The following ZBTB20 variants were observed in gnomAD, a reference collection of about 807,000 sequenced individuals.
ZBTB20 encodes zinc finger and BTB domain containing 20, also known as zinc finger and BTB domain-containing protein 20.
ZBTB20 carries 9 observed loss-of-function variants against 56.9 expected under a neutral mutation model. The observed-to-expected ratio is 0.16, with a 90% CI of 0.10 to 0.28. ZBTB20 has a LOEUF of 0.28. Ranked by LOEUF, ZBTB20 falls within the 10% of genes least tolerant of loss-of-function variation. The pLI is 1.00. For synonymous variants in ZBTB20, 417 were observed against 420.7 expected (o/e 0.99, Z 0.11); for missense variants, 655 against 1,003.0 (o/e 0.65, Z 4.69).
At chr3:115,143,112 C>T (rs2084865198) in intron 1 of ZBTB20, among the ~76,000 whole-genome samples, 1 of 152,142 alleles carries the variant, frequency 6.6e-6, no homozygotes, top group East Asian at 1.9e-4. Context: ...AGCATTAAAT[C>T]ATATACTCAT....
intron 6 of ZBTB20, among the ~76,000 whole-genome samples, chr3:114,543,400 T>C (rs1233880195): frequency 6.6e-6 from 1 of 152,172 alleles, no homozygotes; most frequent in Non-Finnish European, 1.5e-5. Flanking sequence ...AGCAATGGTG[T>C]AGATGAGATT....
intron 3 of ZBTB20, chr3:114,904,433 C>T (rs2075246317): frequency 6.6e-6 from 1 of 151,896 alleles, no homozygotes. Context: ...ATTTTACATG[C>T]TTTACATTTA....
intron 1 of ZBTB20, among the ~76,000 whole-genome samples, chr3:115,110,815 G>A (rs1011397701): frequency 5.3e-5 from 8 of 151,690 alleles, no homozygotes; most frequent in African/African-American, 1.7e-4. Context: ...ATGGTAAAAT[G>A]CCATCTCTAC....
intron 6 of ZBTB20, among the ~76,000 whole-genome samples, chr3:114,675,586 G>A (rs2061583777): frequency 6.6e-6 from 1 of 151,828 alleles, no homozygotes; most frequent in Admixed American, 6.6e-5. Context: ...TCAATGGGTG[G>A]GCATAAAGAG....
chr3:114,401,610 C>T (rs113309362), intron 7 of ZBTB20, among the ~76,000 whole-genome samples: 18 of 152,044 alleles, frequency 1.2e-4, no homozygotes, highest in African/African-American at 3.9e-4. Context: ...CACTTTTGCC[C>T]GAGCCACTTT....
intron 6 of ZBTB20, among the ~76,000 whole-genome samples, chr3:114,596,442 G>A (rs899060281): frequency 7.9e-5 from 12 of 152,132 alleles, no homozygotes; most frequent in African/African-American, 2.7e-4. Context: ...CAGGCAAACA[G>A]AAAGGTGTAG....
At chr3:114,871,141 C>A (rs933943782) in intron 4 of ZBTB20, among the ~76,000 whole-genome samples, 1 of 152,164 alleles carries the variant, frequency 6.6e-6, no homozygotes, top group Non-Finnish European at 1.5e-5. Flanking sequence ...ACCACATACA[C>A]GTACACCTCA....
At chr3:115,082,086 C>T (rs909486140) in intron 1 of ZBTB20, among the ~76,000 whole-genome samples, 2 of 152,190 alleles carry the variant, frequency 1.3e-5, no homozygotes, top group African/African-American at 2.4e-5. Context: ...ACTAACACTG[C>T]CTTGCAAATG....
In ZBTB20 at chr3:114,330,873, A is replaced by G. The variant is rs1471476397; in HGVS notation, c.*8132T>C. On this transcript the variant is annotated 3_prime_UTR_variant, in exon 12 of 12. Transcript: ENST00000675478. The stretch of plus-strand genomic sequence containing the variant: ...GTCCATTCATTCAGTATATTATACT[A>G]GAGTGGCATTCTACTTCAATGCTTG... 1 of 152,250 alleles carries G rather than the reference A, an allele frequency of 6.6e-6. No homozygotes were observed. The highest frequency in any genetic ancestry group is 1.5e-5 in the Non-Finnish European group (1 of 68,056). 9.4% of individuals were successfully genotyped at this position (152,250 alleles called of 1,614,324 possible).
chr3:114,947,809 GATAAA>G lies in ZBTB20; in HGVS notation c.-456+26552_-456+26556del, dbSNP rs1317866975. Among the ~76,000 whole-genome samples the G allele has an allele frequency of 8.3e-5, 12 of 145,040 alleles. 4 individuals carry two copies. Among genetic ancestry groups the G allele is most frequent in the African/African-American group, 3.4e-4 (12 of 35,346 alleles). On this transcript the variant is annotated intron_variant, in intron 3 of 11. Coordinates refer to ENST00000675478, the MANE Select transcript of ZBTB20 (RefSeq NM_001348800.3). ...ACACCATAATTTTACACAAATAAAA[GATAAA>G]ATAAAAAAGTCTTTCCACAAAACTT...
intron 2 of ZBTB20, among the ~76,000 whole-genome samples, chr3:114,978,586 AT>A (rs1180809136): frequency 1.3e-5 from 2 of 151,438 alleles, no homozygotes; most frequent in Non-Finnish European, 3.0e-5. Context: ...ATATTTAATA[AT>A]TTTTCTCTAT....
At chr3:114,985,688 G>A (rs577639318) in intron 2 of ZBTB20, among the ~76,000 whole-genome samples, 2 of 152,068 alleles carry the variant, frequency 1.3e-5, no homozygotes, top group South Asian at 4.2e-4. Context: ...GGTAAGATTC[G>A]GGGTGAGACC....
intron 3 of ZBTB20, among the ~76,000 whole-genome samples, chr3:114,907,356 A>C (rs2075359104): frequency 6.6e-6 from 1 of 151,906 alleles, no homozygotes; most frequent in South Asian, 2.1e-4. Flanking sequence ...AATTTGGTCA[A>C]ACTTATGTCA....
At position 114,407,913 on chromosome 3, in the gene ZBTB20, G is replaced by C. The variant is rs535232654; in HGVS notation, c.-254-18808C>G. 3.6e-4 allele frequency among the ~76,000 whole-genome samples: 35 copies of C among 97,758 alleles called. 1 individual carries two copies. The South Asian group carries it at 6.9e-3, about 19-fold the overall frequency. The allele number at this position is 97,758 out of a possible 152,430, so 64.1% of individuals were successfully genotyped here. A position where few individuals can be genotyped will look rare whatever the true frequency, so the allele number is the denominator to read the frequency against. ...GGAAACCAAATGTAACCTATATGAG[G>C]GGGGGGAAACATCTTTAACTACTTT... On this transcript the variant is annotated intron_variant, in intron 7 of 11. Coordinates refer to ENST00000675478, the MANE Select transcript of ZBTB20 (RefSeq NM_001348800.3).
intron 5 of ZBTB20, among the ~76,000 whole-genome samples, chr3:114,694,247 C>T (rs985996876): frequency 1.3e-5 from 2 of 151,918 alleles, no homozygotes; most frequent in East Asian, 3.9e-4. Flanking sequence ...AAAACAAAAC[C>T]CAAATTAACA....
chr3:114,776,709 T>G, intron 5 of ZBTB20, among the ~76,000 whole-genome samples: 1 of 152,132 alleles, frequency 6.6e-6, no homozygotes. Context: ...AGAGCATTTG[T>G]GAAATCACTG....
intron 6 of ZBTB20, among the ~76,000 whole-genome samples, chr3:114,539,899 C>T (rs916294753): frequency 7.8e-6 from 1 of 128,996 alleles, no homozygotes; most frequent in Non-Finnish European, 1.8e-5. Flanking sequence ...TGCTTTCAAC[C>T]CACCTTTTTT....
intron 6 of ZBTB20, among the ~76,000 whole-genome samples, chr3:114,680,636 C>T (rs754279290): frequency 1.4e-4 from 21 of 152,162 alleles, no homozygotes; most frequent in South Asian, 2.1e-4. Context: ...TAATCTTGTA[C>T]GCTCATTGAA....
intron 4 of ZBTB20, among the ~76,000 whole-genome samples, chr3:114,862,718 A>C (rs371730290): frequency 6.6e-6 from 1 of 152,156 alleles, no homozygotes; most frequent in Admixed American, 6.6e-5. Flanking sequence ...TAAGTGTATA[A>C]ATAAGGGAAG....
Sources: gnomAD v4.1 joint callset for allele counts (sites outside exome capture counted in the v4.1 genomes callset) on GRCh38, gnomAD v4.1.1 for gene constraint, MANE v1.5 for transcripts, NCBI Gene and HGNC (gene_info 2026-07-23, HGNC 2026-07-21) for gene names.